The following FBXO42 variants were observed in gnomAD, a reference collection of about 807,000 sequenced individuals.
FBXO42 encodes the protein F-box only protein 42.
In FBXO42, 12 loss-of-function variants were observed where a neutral mutation model predicts 71.7. The observed-to-expected ratio is 0.17, with a 90% confidence interval of 0.11 to 0.27. FBXO42 has a LOEUF of 0.27. FBXO42 is among the 10% of genes least tolerant of loss of function. The probability of loss-of-function intolerance (pLI) is 1.00; values close to 1 mark genes in which losing one functional copy is unlikely to be tolerated. For missense variants in FBXO42, 707 were observed against 911.9 expected (o/e 0.78, Z 2.89); for synonymous variants, 325 against 327.5 (o/e 0.99, Z 0.08).
intron 1 of FBXO42, among the ~76,000 whole-genome samples, chr1:16,319,177 G>A (rs754645215): frequency 4.6e-5 from 7 of 152,138 alleles, no homozygotes; most frequent in Non-Finnish European, 8.8e-5. Flanking sequence ...GAAACGAAGA[G>A]TAATCTCGAA....
chr1:16,265,513 ATATT>A (rs1477531606), intron 4 of FBXO42, among the ~76,000 whole-genome samples: 2 of 152,124 alleles, frequency 1.3e-5, no homozygotes, highest in Non-Finnish European at 2.9e-5. Context: ...TACAAATTTT[ATATT>A]TATTATCTAA....
chr1:16,348,555 A>G (rs1338383651), intron 1 of FBXO42, among the ~76,000 whole-genome samples: 1 of 151,934 alleles, frequency 6.6e-6, no homozygotes, highest in Non-Finnish European at 1.5e-5. Flanking sequence ...TACAAAAATT[A>G]GCCGGGCGTG....
At chr1:16,327,396 A>AATTAC (rs2082460449) in intron 1 of FBXO42, among the ~76,000 whole-genome samples, 1 of 152,212 alleles carries the variant, frequency 6.6e-6, no homozygotes, top group South Asian at 2.1e-4. Flanking sequence ...GCAAAGGCAT[A>AATTAC]ATTACACTTT....
intron 1 of FBXO42, among the ~76,000 whole-genome samples, chr1:16,331,959 G>A (rs2100610567): frequency 6.6e-6 from 1 of 152,062 alleles, no homozygotes; most frequent in Non-Finnish European, 1.5e-5. Context: ...TGAGGCAGGA[G>A]AATCGCTTGA....
rs781280015 is a variant in FBXO42, at chr1:16,251,505, T to C, written c.1319A>G (p.Asn440Ser). Reference sequence around the variant, plus strand: ...CGTTCCTGGAGACAAACTCCCACCATTGAGGATAGGAGAGCCGTCTCCTCT... The same window carrying C: ...CGTTCCTGGAGACAAACTCCCACCACTGAGGATAGGAGAGCCGTCTCCTCT... ...PARGDGSPIL[N>S]GGSLSPGTAA... The change falls in exon 10 of 10, where the codon AAT (asparagine) becomes AGT (serine). Residue 440 changes from asparagine to serine, a missense_variant. Physicochemically the swap from Asn to Ser is conservative, Grantham distance 46. Coordinates refer to ENST00000375592, the MANE Select transcript of FBXO42 (RefSeq NM_018994.3). This position sits in a 1 kb window ranked among gnomAD's most constrained non-coding sequence, Gnocchi z 4.5. The C allele has an allele frequency of 2.4e-5, 38 of 1,614,040 alleles. No individual in the cohort carries two copies. The highest frequency in any genetic ancestry group is 4.5e-5 in the East Asian group (2 of 44,892).
chr1:16,260,020 A>C (rs140012689), intron 4 of FBXO42, among the ~76,000 whole-genome samples: 61 of 152,220 alleles, frequency 4.0e-4, no homozygotes, highest in African/African-American at 1.5e-3. Flanking sequence ...TAATAGCGGT[A>C]TTTTAGAAAA....
intron 1 of FBXO42, among the ~76,000 whole-genome samples, chr1:16,348,221 A>C (rs1230389151): frequency 6.6e-6 from 1 of 152,168 alleles, no homozygotes; most frequent in Non-Finnish European, 1.5e-5. Flanking sequence ...GTATATGTTC[A>C]ATAATACAGT....
At chr1:16,281,802 G>A (rs1183400408) in intron 4 of FBXO42, among the ~76,000 whole-genome samples, 1 of 151,676 alleles carries the variant, frequency 6.6e-6, no homozygotes, top group African/African-American at 2.4e-5. Flanking sequence ...GATTACAGGC[G>A]CACATCACCA....
intron 1 of FBXO42, among the ~76,000 whole-genome samples, chr1:16,335,343 G>A (rs932111193): frequency 1.3e-5 from 2 of 151,958 alleles, no homozygotes; most frequent in Admixed American, 6.6e-5. Context: ...TCGCCACATC[G>A]CCCAGGCTGG....
chr1:16,337,821 T>A (rs764557096), intron 1 of FBXO42, among the ~76,000 whole-genome samples: 2 of 121,168 alleles, frequency 1.7e-5, no homozygotes, highest in Non-Finnish European at 3.2e-5. Flanking sequence ...GAGGCAGAGG[T>A]TGCAGTGAGT....
chr1:16,332,438 T>C (rs2100611550), intron 1 of FBXO42, among the ~76,000 whole-genome samples: 1 of 152,344 alleles, frequency 6.6e-6, no homozygotes, highest in Non-Finnish European at 1.5e-5. Flanking sequence ...CATTGCTATA[T>C]TGTGATTTAG....
chr1:16,331,077 G>A (rs2082494379), intron 1 of FBXO42, among the ~76,000 whole-genome samples: 2 of 151,632 alleles, frequency 1.3e-5, no homozygotes, highest in African/African-American at 4.8e-5. Flanking sequence ...CCAAGACAGC[G>A]CCACTGTACT....
At chr1:16,312,541 T>C (rs760334919) in intron 2 of FBXO42, among the ~76,000 whole-genome samples, 4 of 152,068 alleles carry the variant, frequency 2.6e-5, no homozygotes, top group Non-Finnish European at 5.9e-5. Flanking sequence ...AGGGAGAGTA[T>C]ACAGGATTTT....
At chr1:16,305,987 T>C (rs947943168) in intron 2 of FBXO42, 68 bp from the exon 3 acceptor site, 1 of 1,062,086 alleles carries the variant, frequency 9.4e-7, no homozygotes, top group Non-Finnish European at 1.4e-6. Flanking sequence ...TAAAACTGTG[T>C]CTATTACCTG....
chr1:16,310,158 C>CA (rs1557596151), intron 2 of FBXO42, among the ~76,000 whole-genome samples: 4 of 146,682 alleles, frequency 2.7e-5, no homozygotes, highest in Non-Finnish European at 6.0e-5. Flanking sequence ...CACACCACTG[C>CA]ACTCCAGCCT....
intron 2 of FBXO42, among the ~76,000 whole-genome samples, chr1:16,310,051 C>T (rs537291328): frequency 5.3e-5 from 8 of 151,896 alleles, no homozygotes; most frequent in East Asian, 3.9e-4. Flanking sequence ...AAAAATTAGC[C>T]GGGTGTGGTG....
intron 4 of FBXO42, among the ~76,000 whole-genome samples, chr1:16,273,450 G>A (rs2081866248): frequency 6.6e-6 from 1 of 152,094 alleles, no homozygotes; most frequent in Non-Finnish European, 1.5e-5. Context: ...TGCTTGCTAT[G>A]TCTAAAATAT....
chr1:16,273,874 C>T (rs924581286), intron 4 of FBXO42, among the ~76,000 whole-genome samples: 6 of 152,074 alleles, frequency 3.9e-5, no homozygotes, highest in Non-Finnish European at 8.8e-5. Context: ...GAACGAGACT[C>T]TGTCTCAAAC....
intron 1 of FBXO42, among the ~76,000 whole-genome samples, chr1:16,340,079 G>C (rs576905300): frequency 6.6e-6 from 1 of 152,200 alleles, no homozygotes; most frequent in South Asian, 2.1e-4. Flanking sequence ...GGGAGGCTGA[G>C]GCAGAAGAAT....
Sources: allele counts gnomAD v4.1 joint callset (sites outside exome capture counted in the v4.1 genomes callset), GRCh38; gene constraint gnomAD v4.1.1; non-coding constraint Gnocchi (gnomAD v3.1); transcripts MANE v1.5; gene names NCBI Gene and HGNC (gene_info 2026-07-23, HGNC 2026-07-21).